The following SEC31A variants were observed in gnomAD, a reference collection of about 807,000 sequenced individuals.
SEC31A encodes the protein protein transport protein Sec31A.
SEC31A carries 70 observed loss-of-function variants against 151.0 expected under a neutral mutation model. That is an observed-to-expected ratio of 0.46 (90% confidence interval 0.38 to 0.57). SEC31A has a LOEUF of 0.57. SEC31A is among the 20% of genes least tolerant of loss of function. SEC31A has a pLI of 0.00. For synonymous variants in SEC31A, 475 were observed against 505.9 expected, an observed-to-expected ratio of 0.94 and a Z score of 0.82; for missense variants, 1,330 against 1,471.2, an observed-to-expected ratio of 0.90 and a Z score of 1.57.
In SEC31A at chr4:82,855,037, A is replaced by C. The variant is rs771169328; in HGVS notation, c.1882-8T>G. The C allele has an allele frequency of 6.3e-7, 1 of 1,585,158 alleles. No individual in the cohort carries two copies. Among genetic ancestry groups the C allele is most frequent in the Admixed American group, 1.9e-5 (1 of 51,368 alleles). On this transcript the variant is annotated splice_region_variant and splice_polypyrimidine_tract_variant and intron_variant, in intron 16 of 26. Transcript: ENST00000395310. ...CACCACTGCAGTGATGAGCTTGAGA[A>C]ACGAAAACAAAGGAAGAATTAAAAG...
intron 20 of SEC31A, among the ~76,000 whole-genome samples, chr4:82,848,310 G>A: frequency 9.7e-5 from 4 of 41,222 alleles, no homozygotes; most frequent in South Asian, 2.0e-3. Flanking sequence ...TATCTAAATT[G>A]TCCAAAAAAA....
chr4:82,887,577 T>C (rs1741027074), intron 1 of SEC31A, among the ~76,000 whole-genome samples: 1 of 152,342 alleles, frequency 6.6e-6, no homozygotes, highest in Admixed American at 6.5e-5. Context: ...GCTTTATCCA[T>C]GTATGTCCTG....
At chr4:82,833,650 T>G (rs770245808) in intron 22 of SEC31A, among the ~76,000 whole-genome samples, 2 of 151,654 alleles carry the variant, frequency 1.3e-5, no homozygotes, top group African/African-American at 2.4e-5. Flanking sequence ...GCTGAAAACA[T>G]AGCAATCCCA....
intron 6 of SEC31A, among the ~76,000 whole-genome samples, chr4:82,872,903 C>G (rs966779013): frequency 6.6e-6 from 1 of 152,060 alleles, no homozygotes; most frequent in Admixed American, 6.6e-5. Flanking sequence ...AGGGGTTTCA[C>G]CATGTTGCCC....
intron 1 of SEC31A, among the ~76,000 whole-genome samples, chr4:82,890,235 G>C (rs894903355): frequency 1.4e-5 from 2 of 144,986 alleles, no homozygotes. Context: ...AGGAGAGTAA[G>C]CTTTTGCCAA....
intron 22 of SEC31A, 86 bp from the exon 23 acceptor site, chr4:82,829,144 T>C: frequency 4.4e-6 from 5 of 1,125,854 alleles, no homozygotes; most frequent in Non-Finnish European, 4.0e-6. Context: ...TACTTCAAAA[T>C]TCTGCCTTAA....
intron 22 of SEC31A, among the ~76,000 whole-genome samples, chr4:82,830,295 T>C (rs1189024725): frequency 6.6e-6 from 1 of 152,102 alleles, no homozygotes; most frequent in Non-Finnish European, 1.5e-5. Flanking sequence ...ACCCCATCTC[T>C]ACTAAAAATA....
rs527838046 is a variant in SEC31A at position 82,855,785 on chromosome 4, A to T, written c.1882-756T>A. ...AGGGGAACAACACACACTGGGGCCT[A>T]TTGGAGGGTGGGAGGAGAGAGAGAA... is the stretch of plus-strand genomic sequence containing the variant. On this transcript the variant is annotated intron_variant, in intron 16 of 26. Coordinates refer to ENST00000395310, the MANE Select transcript of SEC31A (RefSeq NM_001077207.4). 6.6e-5 allele frequency among the ~76,000 whole-genome samples: 10 copies of T among 152,272 alleles called. No homozygotes were observed. The East Asian group carries it at 1.9e-3, about 29-fold the overall frequency.
chr4:82,850,540 C>T (rs1219860306), intron 19 of SEC31A, among the ~76,000 whole-genome samples: 1 of 152,042 alleles, frequency 6.6e-6, no homozygotes, highest in Non-Finnish European at 1.5e-5. Context: ...TAAAAAAATA[C>T]ATAAAATACA....
intron 23 of SEC31A, 31 bp from the exon 24 acceptor site, chr4:82,827,663 G>T: frequency 6.2e-7 from 1 of 1,601,740 alleles, no homozygotes; most frequent in South Asian, 1.1e-5. Context: ...AAGACACCAG[G>T]AGTAAGAATA....
chr4:82,849,415 C>G (rs1246068019), intron 19 of SEC31A, among the ~76,000 whole-genome samples: 1 of 152,010 alleles, frequency 6.6e-6, no homozygotes, highest in African/African-American at 2.4e-5. Flanking sequence ...GAGATCGAGA[C>G]CATCCTGGCT....
chr4:82,871,404 T>C, intron 7 of SEC31A: 1 of 1,521,906 alleles, frequency 6.6e-7, no homozygotes, highest in Non-Finnish European at 8.8e-7. Flanking sequence ...CAGTAAGTCG[T>C]TACTTAATTT....
intron 8 of SEC31A, 90 bp downstream of exon 8, chr4:82,870,235 C>A: frequency 1.1e-6 from 1 of 917,390 alleles, no homozygotes; most frequent in Non-Finnish European, 1.7e-6. Flanking sequence ...CATAGTAATC[C>A]ACTAAAGAAT....
Position 82,861,563 on chromosome 4 carries a change from CTTATT to C in SEC31A, c.1626+63_1626+67del, listed in dbSNP as rs1734120991. The C allele has an allele frequency of 1.8e-5, 19 of 1,029,854 alleles. No individual in the cohort carries two copies. In the East Asian group the frequency reaches 4.3e-4, roughly 23 times the overall value. 63.8% of individuals were successfully genotyped at this position (1,029,854 alleles called of 1,614,324 possible). A position where few individuals can be genotyped will look rare whatever the true frequency, so the allele number is the denominator to read the frequency against. ...GCCATAAGTAGTCAAGAAAATTTTC[CTTATT>C]TTAATGTGAGATACACAAATATCAC... On this transcript the variant is annotated intron_variant, in intron 14 of 26. Coordinates refer to ENST00000395310, the MANE Select transcript of SEC31A (RefSeq NM_001077207.4).
intron 14 of SEC31A, among the ~76,000 whole-genome samples, chr4:82,858,475 C>T (rs1733237786): frequency 2.3e-5 from 3 of 127,982 alleles, no homozygotes; most frequent in Middle Eastern, 6.0e-3. Context: ...ACCCAGGAGG[C>T]GGAGGTTGCA....
At chr4:82,825,299 G>A (rs1210145003) in intron 24 of SEC31A, among the ~76,000 whole-genome samples, 1 of 152,232 alleles carries the variant, frequency 6.6e-6, no homozygotes, top group East Asian at 1.9e-4. Context: ...TACTACTGGT[G>A]AGCCAATACA....
chr4:82,889,148 T>C (rs1741651411), intron 1 of SEC31A, among the ~76,000 whole-genome samples: 2 of 152,250 alleles, frequency 1.3e-5, no homozygotes, highest in African/African-American at 4.8e-5. Flanking sequence ...AACTGTGCAC[T>C]GGTTACTGAA....
At chr4:82,880,634 AC>A in intron 3 of SEC31A, 164 bp downstream of exon 3, 1 of 575,576 alleles carries the variant, frequency 1.7e-6, no homozygotes, top group Non-Finnish European at 2.9e-6. Flanking sequence ...CATAAACACT[AC>A]TTTTACTTCC....
At chr4:82,884,161 G>T (rs565388957) in intron 1 of SEC31A, among the ~76,000 whole-genome samples, 70 of 151,552 alleles carry the variant, frequency 4.6e-4, no homozygotes, top group Non-Finnish European at 8.5e-4. Flanking sequence ...TAATTTTTTT[G>T]TATTTTTAGT....
Sources: allele counts gnomAD v4.1 joint callset (sites outside exome capture counted in the v4.1 genomes callset), GRCh38; gene constraint gnomAD v4.1.1; transcripts MANE v1.5; gene names NCBI Gene and HGNC (gene_info 2026-07-23, HGNC 2026-07-21).